Variants in VWF observed in about 807,000 individuals in gnomAD.
VWF encodes Factor VIII related antigen.
A neutral mutation model predicts 308.6 loss-of-function variants in VWF; 176 were observed. That is an observed-to-expected ratio of 0.57 (90% CI 0.50 to 0.65). The LOEUF (loss-of-function observed/expected upper bound fraction) is 0.65, where lower values mean the gene tolerates loss of function less well. Ranked by LOEUF, VWF falls within the 30% of genes least tolerant of loss-of-function variation. VWF has a pLI of 0.00. For missense variants in VWF, 3,146 were observed against 3,648.2 expected, an observed-to-expected ratio of 0.86 and a Z score of 3.55; for synonymous variants, 1,385 against 1,443.4, an observed-to-expected ratio of 0.96 and a Z score of 0.92.
intron 10 of VWF, among the ~76,000 whole-genome samples, chr12:6,070,028 C>T (rs756097417): frequency 3.9e-5 from 6 of 152,204 alleles, no homozygotes; most frequent in Non-Finnish European, 7.3e-5. Context: ...TAATTCCATC[C>T]ACTGTGGCTC....
At chr12:6,117,184 C>G (rs1190323828) in intron 3 of VWF, among the ~76,000 whole-genome samples, 1 of 152,188 alleles carries the variant, frequency 6.6e-6, no homozygotes, top group Admixed American at 6.5e-5. Flanking sequence ...AACAATCTCC[C>G]AGAAAATGGA....
intron 6 of VWF, among the ~76,000 whole-genome samples, chr12:6,082,247 G>A (rs1254608007): frequency 6.6e-6 from 1 of 152,148 alleles, no homozygotes; most frequent in African/African-American, 2.4e-5. Context: ...TTGCAGGCGT[G>A]AGCCACCGCG....
intron 31 of VWF, among the ~76,000 whole-genome samples, chr12:6,014,500 C>T (rs981980783): frequency 6.6e-6 from 1 of 151,934 alleles, no homozygotes. Flanking sequence ...GTGTGACTCT[C>T]GAAGTATTTT....
intron 3 of VWF, among the ~76,000 whole-genome samples, chr12:6,116,277 G>A (rs2136529434): frequency 6.6e-6 from 1 of 152,358 alleles, no homozygotes; most frequent in South Asian, 2.1e-4. Context: ...TGAACGCAGT[G>A]ATTAAGGCGC....
chr12:6,047,183 G>C (rs1012824434), intron 16 of VWF, among the ~76,000 whole-genome samples: 1 of 152,060 alleles, frequency 6.6e-6, no homozygotes, highest in Non-Finnish European at 1.5e-5. Flanking sequence ...CCTTCCCCAG[G>C]CTCTGTCCTA....
At chr12:6,035,196 G>C (rs1444461366) in intron 19 of VWF, among the ~76,000 whole-genome samples, 1 of 152,180 alleles carries the variant, frequency 6.6e-6, no homozygotes, top group African/African-American at 2.4e-5. Context: ...CAGGGTGTCT[G>C]TAAAACAGAC....
At chr12:6,026,085 A>G in intron 22 of VWF, 39 bp from the exon 23 acceptor site, 1 of 1,613,800 alleles carries the variant, frequency 6.2e-7, no homozygotes, top group Non-Finnish European at 8.5e-7. Context: ...CGTCAAGCCC[A>G]GGAGCATGCT....
intron 7 of VWF, among the ~76,000 whole-genome samples, chr12:6,074,196 C>T (rs533798519): frequency 7.9e-4 from 121 of 152,218 alleles, no homozygotes; most frequent in African/African-American, 2.7e-3. Flanking sequence ...GCACAGGGCA[C>T]ATTTGCCTGC....
intron 5 of VWF, among the ~76,000 whole-genome samples, chr12:6,101,248 A>C (rs2136507757): frequency 6.6e-6 from 1 of 152,266 alleles, no homozygotes; most frequent in Middle Eastern, 3.4e-3. Context: ...CAAAGCTCTG[A>C]TTTGTAGCAT....
chr12:6,025,037 A>AGAGAG (rs34253435), intron 24 of VWF, among the ~76,000 whole-genome samples: 2 of 149,252 alleles, frequency 1.3e-5, no homozygotes, highest in African/African-American at 5.0e-5. Context: ...AAAAAAAAAA[A>AGAGAG]AGAGAGAGAC....
At chr12:6,073,477 T>C (rs1944802941) in intron 8 of VWF, 142 bp downstream of exon 8, 3 of 1,190,208 alleles carry the variant, frequency 2.5e-6, no homozygotes, top group Non-Finnish European at 3.7e-6. Flanking sequence ...CTGATCACGC[T>C]GGACAAAGAC....
intron 18 of VWF, among the ~76,000 whole-genome samples, chr12:6,041,653 T>C (rs1182939127): frequency 6.6e-6 from 1 of 151,800 alleles, no homozygotes; most frequent in African/African-American, 2.4e-5. Context: ...TTTCACCGTG[T>C]TACCGGGATG....
intron 40 of VWF, 41 bp from the exon 41 acceptor site, chr12:5,983,295 A>G: frequency 1.3e-6 from 2 of 1,596,122 alleles, no homozygotes; most frequent in South Asian, 2.2e-5. Flanking sequence ...GAGTTCAGAA[A>G]GGTTACTCTT....
At chr12:6,033,178 G>C (rs140369997) in intron 20 of VWF, among the ~76,000 whole-genome samples, 199 of 152,342 alleles carry the variant, frequency 1.3e-3, no homozygotes, top group African/African-American at 4.7e-3. Context: ...GGTTAAAAGA[G>C]GAAACAAGGG....
intron 20 of VWF, among the ~76,000 whole-genome samples, chr12:6,031,846 G>A (rs1181942248): frequency 6.6e-6 from 1 of 151,926 alleles, no homozygotes; most frequent in Non-Finnish European, 1.5e-5. Context: ...GGGAGGGAAG[G>A]AAGGTGACAT....
chr12:6,092,622 T>TGAGAGTGAGAGAGAGAGAGAGAGTGA (rs1403649370), intron 6 of VWF, among the ~76,000 whole-genome samples: 2 of 91,492 alleles, frequency 2.2e-5, no homozygotes, highest in African/African-American at 1.1e-4. Flanking sequence ...AGTGAGAGTG[T>TGAGAGTGAGAGAGAGAGAGAGAGTGA]GTGTGTGTGT....
At position 6,046,606 on chromosome 12, in the gene VWF, C is replaced by T; in HGVS notation, c.2281+117G>A. 9.5e-7 allele frequency: 1 copy of T among 1,051,582 alleles called. No homozygotes were observed. The highest frequency in any genetic ancestry group is 2.4e-5 in the East Asian group (1 of 41,262). The allele number at this position is 1,051,582 out of a possible 1,614,324, so 65.1% of individuals were successfully genotyped here. On this transcript the variant is annotated intron_variant, in intron 17 of 51. Coordinates refer to ENST00000261405, the MANE Select transcript of VWF (RefSeq NM_000552.5). The surrounding 1 kb of genome is among the most constrained non-coding windows in gnomAD (Gnocchi z 5.0). ...AAGGCGATCCTGGGCGAAGCCAGAC[C>T]CATGCCTGGGTGCACACGCACATCT...
At chr12:6,005,873 T>C (rs760230897) in intron 34 of VWF, among the ~76,000 whole-genome samples, 22 of 152,180 alleles carry the variant, frequency 1.4e-4, no homozygotes, top group Non-Finnish European at 2.6e-4. Context: ...AGGGAGTCCA[T>C]CATGTTGAAA....
At chr12:6,050,848 G>A (rs796998587) in intron 16 of VWF, among the ~76,000 whole-genome samples, 6 of 152,132 alleles carry the variant, frequency 3.9e-5, no homozygotes, top group African/African-American at 9.6e-5. Context: ...CCAGCTACTC[G>A]GGAGGATGAG....
Sources: gnomAD v4.1 joint callset for allele counts (sites outside exome capture counted in the v4.1 genomes callset) on GRCh38, gnomAD v4.1.1 for gene constraint, Gnocchi (gnomAD v3.1) non-coding constraint, MANE v1.5 for transcripts, NCBI Gene and HGNC (gene_info 2026-07-23, HGNC 2026-07-21) for gene names.